The following ANTXR2 variants were observed in gnomAD, a reference collection of about 807,000 sequenced individuals.
The protein encoded by ANTXR2 is ANTXR cell adhesion molecule 2, also known as anthrax toxin receptor 2.
ANTXR2 carries 44 observed loss-of-function variants against 73.7 expected under a neutral mutation model. The ratio of observed to expected loss-of-function variants is 0.60; its 90% confidence interval spans 0.47 to 0.77. The LOEUF (loss-of-function observed/expected upper bound fraction) is 0.77. ANTXR2 is among the 30% of genes least tolerant of loss of function. ANTXR2 has a pLI of 0.00. For missense variants in ANTXR2, 604 were observed against 592.5 expected (o/e 1.02, Z -0.20); for synonymous variants, 217 against 205.9 (o/e 1.05, Z -0.46).
At chr4:80,067,304 TG>T (rs1279088416) in intron 3 of ANTXR2, among the ~76,000 whole-genome samples, 1 of 152,166 alleles carries the variant, frequency 6.6e-6, no homozygotes, top group Admixed American at 6.5e-5. Context: ...ATCACTAACG[TG>T]GGTTAAAGAT....
chr4:80,071,610 A>G lies in ANTXR2; in HGVS notation c.197T>C (p.Val66Ala). ...CACAAATCTCTCCGCAAGTTGCTGT[A>G]CGAAATTATAAATTTCAATCCAGTT... Reference protein sequence around the residue: ...ANNWIEIYNFVQQLAERFVSP... With the variant: ...ANNWIEIYNFAQQLAERFVSP... Residue 66 changes from valine (V) to alanine (A), a missense_variant, in exon 2 of 17, where the codon GTA becomes GCA. Coordinates refer to ENST00000403729, the MANE Select transcript of ANTXR2 (RefSeq NM_058172.6). The G allele has an allele frequency of 6.2e-7, 1 of 1,613,372 alleles. No homozygotes were observed. Among genetic ancestry groups the G allele is most frequent in the Non-Finnish European group, 8.5e-7 (1 of 1,179,338 alleles).
At chr4:79,966,129 C>CACACACACAT (rs1729352144) in intron 16 of ANTXR2, among the ~76,000 whole-genome samples, 1 of 30,738 alleles carries the variant, frequency 3.3e-5, no homozygotes, top group South Asian at 8.4e-4. Flanking sequence ...AGGACTTAGA[C>CACACACACAT]ACACACACAC....
At chr4:79,931,453 CT>C (rs1269808172) in intron 16 of ANTXR2, among the ~76,000 whole-genome samples, 1 of 65,008 alleles carries the variant, frequency 1.5e-5, no homozygotes, top group Non-Finnish European at 2.2e-5. Flanking sequence ...CGCTTCTTCT[CT>C]CTCTCTCTCT....
intron 16 of ANTXR2, among the ~76,000 whole-genome samples, chr4:79,929,057 A>G (rs931211136): frequency 6.6e-6 from 1 of 152,158 alleles, no homozygotes; most frequent in Non-Finnish European, 1.5e-5. Flanking sequence ...GCGGGGCAAA[A>G]GAATTGCTGT....
chr4:79,961,753 A>T (rs374231133), intron 16 of ANTXR2, among the ~76,000 whole-genome samples: 6 of 152,176 alleles, frequency 3.9e-5, no homozygotes, highest in East Asian at 1.9e-4. Context: ...GTATTCTTTC[A>T]GAGTGCCAAA....
intron 7 of ANTXR2, among the ~76,000 whole-genome samples, chr4:80,046,935 C>A (rs1235473448): frequency 6.6e-6 from 1 of 151,588 alleles, no homozygotes; most frequent in African/African-American, 2.4e-5. Flanking sequence ...CCAAATGGTA[C>A]ATTTGGTGAC....
At chr4:79,927,770 A>T (rs1027434398) in intron 16 of ANTXR2, among the ~76,000 whole-genome samples, 1 of 152,190 alleles carries the variant, frequency 6.6e-6, no homozygotes, top group African/African-American at 2.4e-5. Context: ...GATACAAAAA[A>T]GTAGAAGCTG....
At chr4:79,985,096 C>A (rs1182845629) in intron 12 of ANTXR2, among the ~76,000 whole-genome samples, 1 of 151,834 alleles carries the variant, frequency 6.6e-6, no homozygotes, top group Non-Finnish European at 1.5e-5. Flanking sequence ...TGCCTGTAAT[C>A]CCAGCACTTT....
At chr4:80,066,668 G>A (rs1271277527) in intron 3 of ANTXR2, among the ~76,000 whole-genome samples, 1 of 151,970 alleles carries the variant, frequency 6.6e-6, no homozygotes, top group African/African-American at 2.4e-5. Flanking sequence ...ACCAGACTCT[G>A]TTCTAAATAC....
rs137994910 is a variant in ANTXR2, at chr4:80,045,579, G to GTT, written c.636+8691_636+8692dup. ...GGGTAGTAGAGTCTAAAAAAGCAAG[G>GTT]TTTTTTTTTTTTTTCCTGACTCATT... On this transcript the variant is annotated intron_variant, in intron 7 of 16. Coordinates refer to ENST00000403729, the MANE Select transcript of ANTXR2 (RefSeq NM_058172.6). Among the ~76,000 whole-genome samples the GTT allele has an allele frequency of 3.0e-4, 43 of 142,434 alleles. 2 individuals carry two copies. The East Asian group carries it at 3.5e-3, about 11-fold the overall frequency. 93.4% of individuals were successfully genotyped at this position (142,434 alleles called of 152,430 possible).
At chr4:80,017,073 C>T (rs1731908219) in intron 11 of ANTXR2, among the ~76,000 whole-genome samples, 1 of 152,200 alleles carries the variant, frequency 6.6e-6, no homozygotes, top group Admixed American at 6.5e-5. Flanking sequence ...ATCATGTCAC[C>T]TTCCAAGGTC....
At chr4:79,987,592 C>T (rs1481478759) in intron 12 of ANTXR2, among the ~76,000 whole-genome samples, 1 of 152,124 alleles carries the variant, frequency 6.6e-6, no homozygotes, top group Non-Finnish European at 1.5e-5. Context: ...AACCTCACTA[C>T]ACAGGTAGGC....
Position 79,902,311 on chromosome 4 carries a change from T to C in ANTXR2, c.*5118A>G, listed in dbSNP as rs1048764793. On this transcript the variant is annotated 3_prime_UTR_variant, in exon 17 of 17. Transcript: ENST00000403729. ...AAAGGCTAGCAATTGTAACATACTA[T>C]GGATTTTAAGCTGTGTTCAAATTAC... 1.3e-5 allele frequency: 2 copies of C among 152,180 alleles called. No homozygotes were observed. Among genetic ancestry groups the C allele is most frequent in the Admixed American group, 6.6e-5 (1 of 15,260 alleles). 9.4% of individuals were successfully genotyped at this position (152,180 alleles called of 1,614,324 possible). A position where few individuals can be genotyped will look rare whatever the true frequency, so the allele number is the denominator to read the frequency against.
In ANTXR2 at chr4:80,033,556, C is replaced by T. The variant is rs768405615; in HGVS notation, c.712G>A (p.Val238Ile). Reference sequence around the variant, plus strand: ...AGCATGAATCCTCTTCCACTTAAGACAATCTGAAATTCCTCTAGAAGTAAA... The same window carrying T: ...AGCATGAATCCTCTTCCACTTAAGATAATCTGAAATTCCTCTAGAAGTAAA... ...SVCVGEEFQI[V>I]LSGRGFMLGS... The change falls in exon 9 of 17, where the codon GTC becomes ATC. Residue 238 changes from valine to isoleucine, a missense_variant. Coordinates refer to ENST00000403729, the MANE Select transcript of ANTXR2 (RefSeq NM_058172.6). The T allele has an allele frequency of 8.2e-6, 13 of 1,588,248 alleles. No individual in the cohort carries two copies. Among genetic ancestry groups the T allele is most frequent in the Admixed American group, 1.9e-5 (1 of 53,542 alleles).
At chr4:80,041,697 T>G (rs951880726) in intron 7 of ANTXR2, among the ~76,000 whole-genome samples, 30 of 152,102 alleles carry the variant, frequency 2.0e-4, no homozygotes, top group African/African-American at 7.2e-4. Context: ...CAGCTCCCGC[T>G]TGTAAGTGAG....
In ANTXR2 at chr4:79,903,378, C is replaced by T. The variant is rs1726783294; in HGVS notation, c.*4051G>A. The T allele has an allele frequency of 6.6e-6, 1 of 152,058 alleles. No homozygotes were observed. Among genetic ancestry groups the T allele is most frequent in the Non-Finnish European group, 1.5e-5 (1 of 68,018 alleles). 9.4% of individuals were successfully genotyped at this position (152,058 alleles called of 1,614,324 possible). On this transcript the variant is annotated 3_prime_UTR_variant, in exon 17 of 17. Coordinates refer to ENST00000403729, the MANE Select transcript of ANTXR2 (RefSeq NM_058172.6). Reference sequence around the variant, plus strand: ...TCTCTCTCTCTCTCTCTCTCACACACACACACACAATTTACCTTAATATAG... The same window carrying T: ...TCTCTCTCTCTCTCTCTCTCACACATACACACACAATTTACCTTAATATAG...
intron 16 of ANTXR2, among the ~76,000 whole-genome samples, chr4:79,945,357 T>C (rs1037703142): frequency 6.6e-6 from 1 of 152,156 alleles, no homozygotes; most frequent in Admixed American, 6.6e-5. Flanking sequence ...CAGATTTTCA[T>C]TGCAACCATC....
At chr4:80,007,783 T>C (rs1186889858) in intron 12 of ANTXR2, among the ~76,000 whole-genome samples, 3 of 152,198 alleles carry the variant, frequency 2.0e-5, no homozygotes, top group African/African-American at 7.2e-5. Context: ...GAATGGCTTC[T>C]TCCTTAGAGC....
rs373672335 is a variant in ANTXR2, at chr4:80,036,041, G to GAA, written c.637-11_637-10dup. 1.5e-4 allele frequency: 175 copies of GAA among 1,133,956 alleles called. No homozygotes were observed. Among genetic ancestry groups the GAA allele is most frequent in the East Asian group, 2.8e-4 (8 of 28,466 alleles). 70.2% of individuals were successfully genotyped at this position (1,133,956 alleles called of 1,614,324 possible). On this transcript the variant is annotated splice_polypyrimidine_tract_variant and intron_variant, in intron 7 of 16. Transcript: ENST00000403729. ...CATGACTGAGCTAGTATCTAAAAAA[G>GAA]AAAAAAAAAAAAGATTACCAAGCTA...
Sources: allele counts gnomAD v4.1 joint callset (sites outside exome capture counted in the v4.1 genomes callset), GRCh38; gene constraint gnomAD v4.1.1; transcripts MANE v1.5; gene names NCBI Gene and HGNC (gene_info 2026-07-23, HGNC 2026-07-21).